The following RAB15 variants were observed in gnomAD, a reference collection of about 807,000 sequenced individuals.
RAB15 encodes the protein RAB15, member RAS oncogene family.
RAB15 carries 13 observed loss-of-function variants against 31.8 expected under a neutral mutation model. That is an observed-to-expected ratio of 0.41 (90% confidence interval 0.27 to 0.65). RAB15 has a LOEUF of 0.65. Ranked by LOEUF, RAB15 falls within the 30% of genes least tolerant of loss-of-function variation. The pLI is 0.32. For missense variants in RAB15, 220 were observed against 277.3 expected, an observed-to-expected ratio of 0.79 and a Z score of 1.47; for synonymous variants, 100 against 105.6, an observed-to-expected ratio of 0.95 and a Z score of 0.33.
chr14:64,951,469 C>G lies in RAB15; in HGVS notation c.246+134G>C, dbSNP rs1044752887. On this transcript the variant is annotated intron_variant, in intron 3 of 6. Transcript: ENST00000533601. The surrounding 1 kb of genome is among the most constrained non-coding windows in gnomAD (Gnocchi z 7.2). ...GGACGGACAAATGATCAGTGAACAG[C>G]TGAAAGACGCCCTGCGCTCCTCCAA... 2.2e-5 allele frequency: 19 copies of G among 854,858 alleles called. No homozygotes were observed. The highest frequency in any genetic ancestry group is 5.0e-5 in the African/African-American group (3 of 60,554). The allele number at this position is 854,858 out of a possible 1,614,324, so 53.0% of individuals were successfully genotyped here.
chr14:64,956,130 C>T (rs1262995728), intron 1 of RAB15, among the ~76,000 whole-genome samples: 2 of 152,104 alleles, frequency 1.3e-5, no homozygotes, highest in Non-Finnish European at 2.9e-5. Context: ...TGGCCGCACG[C>T]GGTGGCTCAC....
chr14:64,963,946 C>A (rs1886987200), intron 1 of RAB15, among the ~76,000 whole-genome samples: 1 of 152,198 alleles, frequency 6.6e-6, no homozygotes, highest in Non-Finnish European at 1.5e-5. Flanking sequence ...CTCTGTGATT[C>A]CAAAGCATCC....
chr14:64,971,873 C>T lies in RAB15; in HGVS notation c.124+80G>A, dbSNP rs1397032510. 7.3e-7 allele frequency: 1 copy of T among 1,375,492 alleles called. No individual in the cohort carries two copies. The highest frequency in any genetic ancestry group is 9.9e-7 in the Non-Finnish European group (1 of 1,008,376). The allele number at this position is 1,375,492 out of a possible 1,614,324, so 85.2% of individuals were successfully genotyped here. ...CTCCAGCCGGAGGGGCTGGCAATTC[C>T]TCCCCAGCTGGGGACGGGGGCGGCG... On this transcript the variant is annotated intron_variant, in intron 1 of 6. Transcript: ENST00000533601. The surrounding 1 kb of genome is among the most constrained non-coding windows in gnomAD (Gnocchi z 4.1).
intron 1 of RAB15, among the ~76,000 whole-genome samples, chr14:64,961,418 G>A (rs539279963): frequency 2.6e-5 from 4 of 152,332 alleles, no homozygotes; most frequent in Non-Finnish European, 5.9e-5. Context: ...ATGCAGAGAT[G>A]AGGGGTCAGT....
At position 64,971,878 on chromosome 14, in the gene RAB15, C is replaced by T. The variant is rs1375744962; in HGVS notation, c.124+75G>A. 4 of 1,426,598 alleles carry T rather than the reference C, an allele frequency of 2.8e-6. No homozygotes were observed. Among genetic ancestry groups the T allele is most frequent in the African/African-American group, 2.9e-5 (2 of 69,604 alleles). 88.4% of individuals were successfully genotyped at this position (1,426,598 alleles called of 1,614,324 possible). A position where few individuals can be genotyped will look rare whatever the true frequency, so the allele number is the denominator to read the frequency against. On this transcript the variant is annotated intron_variant, in intron 1 of 6. Transcript: ENST00000533601. The surrounding 1 kb of genome is among the most constrained non-coding windows in gnomAD (Gnocchi z 4.1). ...GCCGGAGGGGCTGGCAATTCCTCCC[C>T]AGCTGGGGACGGGGGCGGCGGGGAA...
rs1027120100 is a variant in RAB15 at position 64,950,283 on chromosome 14, A to T, written c.414+42T>A. On this transcript the variant is annotated intron_variant, in intron 5 of 6. Coordinates refer to ENST00000533601, the MANE Select transcript of RAB15 (RefSeq NM_001308154.2). The surrounding 1 kb of genome is among the most constrained non-coding windows in gnomAD (Gnocchi z 5.6). Reference sequence around the variant, plus strand: ...CGCTCAGGACTGGCCCTGGAGGCCCAGCAGAGGACCTGGGGTGGACTTGCC... The same window carrying T: ...CGCTCAGGACTGGCCCTGGAGGCCCTGCAGAGGACCTGGGGTGGACTTGCC... 1.9e-6 allele frequency: 3 copies of T among 1,539,622 alleles called. No homozygotes were observed. Among genetic ancestry groups the T allele is most frequent in the Non-Finnish European group, 2.7e-6 (3 of 1,113,072 alleles).
At position 64,951,296 on chromosome 14, in the gene RAB15, C is replaced by G. The variant is rs1353640947; in HGVS notation, c.247-145G>C. On this transcript the variant is annotated intron_variant, in intron 3 of 6. Coordinates refer to ENST00000533601, the MANE Select transcript of RAB15 (RefSeq NM_001308154.2). This position sits in a 1 kb window ranked among gnomAD's most constrained non-coding sequence, Gnocchi z 7.2. ...CCAGAAATATCTCTTCTCTCAGACC[C>G]CACCACTGCCGCCTCCCAGGCCCAT... The G allele has an allele frequency of 1.4e-6, 1 of 699,798 alleles. No homozygotes were observed. Among genetic ancestry groups the G allele is most frequent in the African/African-American group, 1.8e-5 (1 of 56,204 alleles). The allele number at this position is 699,798 out of a possible 1,614,324, so 43.3% of individuals were successfully genotyped here. A position where few individuals can be genotyped will look rare whatever the true frequency, so the allele number is the denominator to read the frequency against.
chr14:64,957,167 G>C (rs1218773937), intron 1 of RAB15, among the ~76,000 whole-genome samples: 8 of 151,712 alleles, frequency 5.3e-5, no homozygotes. Flanking sequence ...GAACTCCTGG[G>C]CTCCAGCGAT....
chr14:64,951,667 C>G lies in RAB15; in HGVS notation c.186-4G>C. ...TCTCTCCTGCCCTGCAGTGTCCCTG[C>G]AGGAGAAAGCCAGTCCCTCAGAGGA... On this transcript the variant is annotated splice_region_variant and splice_polypyrimidine_tract_variant and intron_variant, in intron 2 of 6. Transcript: ENST00000533601. The surrounding 1 kb of genome is among the most constrained non-coding windows in gnomAD (Gnocchi z 7.2). 6.2e-7 allele frequency: 1 copy of G among 1,613,908 alleles called. No individual in the cohort carries two copies. Among genetic ancestry groups the G allele is most frequent in the Non-Finnish European group, 8.5e-7 (1 of 1,179,764 alleles).
rs1236105816 is a variant in RAB15, at chr14:64,953,628, G to C, written c.125-1057C>G. ...AACATATTGGAGAAATCTGCAGCAA[G>C]AGAAGTCAGCACCACCAGCAGCAGC... On this transcript the variant is annotated intron_variant, in intron 1 of 6. Coordinates refer to ENST00000533601, the MANE Select transcript of RAB15 (RefSeq NM_001308154.2). This position sits in a 1 kb window ranked among gnomAD's most constrained non-coding sequence, Gnocchi z 4.6. Among the ~76,000 whole-genome samples, 1 of 152,198 alleles carries C rather than the reference G, an allele frequency of 6.6e-6. No homozygotes were observed. Among genetic ancestry groups the C allele is most frequent in the African/African-American group, 2.4e-5 (1 of 41,448 alleles).
rs1886417312 is a variant in RAB15 at position 64,954,216 on chromosome 14, C to T, written c.125-1645G>A. On this transcript the variant is annotated intron_variant, in intron 1 of 6. Coordinates refer to ENST00000533601, the MANE Select transcript of RAB15 (RefSeq NM_001308154.2). The surrounding 1 kb of genome is among the most constrained non-coding windows in gnomAD (Gnocchi z 4.3). ...GGGCAATGCCTGGCAGCCATTCTTC[C>T]ATGTGTGCAGAGAAAGAGTGAAGAG... The T allele has an allele frequency of 1.0e-6, 1 of 985,256 alleles. No individual in the cohort carries two copies. Among genetic ancestry groups the T allele is most frequent in the East Asian group, 1.1e-4 (1 of 8,820 alleles). 61.0% of individuals were successfully genotyped at this position (985,256 alleles called of 1,614,324 possible). A position where few individuals can be genotyped will look rare whatever the true frequency, so the allele number is the denominator to read the frequency against.
At chr14:64,964,907 T>A (rs1320278640) in intron 1 of RAB15, among the ~76,000 whole-genome samples, 1 of 152,040 alleles carries the variant, frequency 6.6e-6, no homozygotes, top group Middle Eastern at 3.4e-3. Context: ...CTGTTAGCCC[T>A]TTCTATAGTT....
At position 64,971,751 on chromosome 14, in the gene RAB15, C is replaced by A; in HGVS notation, c.124+202G>T. 3.4e-6 allele frequency: 2 copies of A among 584,912 alleles called. No homozygotes were observed. The highest frequency in any genetic ancestry group is 6.0e-6 in the Non-Finnish European group (2 of 330,746). 36.2% of individuals were successfully genotyped at this position (584,912 alleles called of 1,614,324 possible). A position where few individuals can be genotyped will look rare whatever the true frequency, so the allele number is the denominator to read the frequency against. On this transcript the variant is annotated intron_variant, in intron 1 of 6. Transcript: ENST00000533601. The surrounding 1 kb of genome is among the most constrained non-coding windows in gnomAD (Gnocchi z 4.1). Reference sequence around the variant, plus strand: ...CCCGGCAAGAGGCGGGAGACCCCACCCCTGGTCCGGACGGCAGGCAGCAGG... The same window carrying A: ...CCCGGCAAGAGGCGGGAGACCCCACACCTGGTCCGGACGGCAGGCAGCAGG...
chr14:64,972,060 TC>T lies in RAB15; in HGVS notation c.16del (p.Asp6MetfsTer8), dbSNP rs779779325. 6.2e-7 allele frequency: 1 copy of T among 1,608,866 alleles called. No homozygotes were observed. The highest frequency in any genetic ancestry group is 8.5e-7 in the Non-Finnish European group (1 of 1,178,256). On this transcript the variant is annotated frameshift_variant, in exon 1 of 7. Transcript: ENST00000533601. LOFTEE classifies it high-confidence loss of function. This position sits in a 1 kb window ranked among gnomAD's most constrained non-coding sequence, Gnocchi z 6.3. ...GATCAGCAGCAGCCGGAACAGCACA[TC>T]GTACTGCTTCGCCATGACTGGGGCC... MAKQYDVLFRLLLIGD... is the reference protein window; with the variant it reads MAKQYXVLFRLLLIGD...
At chr14:64,961,724 C>A (rs1412373934) in intron 1 of RAB15, among the ~76,000 whole-genome samples, 1 of 152,054 alleles carries the variant, frequency 6.6e-6, no homozygotes, top group Non-Finnish European at 1.5e-5. Flanking sequence ...GTCAGGGCAA[C>A]ATAGTGAGAC....
chr14:64,964,851 A>G (rs533058397), intron 1 of RAB15, among the ~76,000 whole-genome samples: 2 of 152,238 alleles, frequency 1.3e-5, no homozygotes, highest in African/African-American at 2.4e-5. Flanking sequence ...CTGGGATTAC[A>G]GGCGTGAGCC....
rs1555386038 is a variant in RAB15, at chr14:64,953,917, C to CCAG, written c.125-1349_125-1347dup. On this transcript the variant is annotated intron_variant, in intron 1 of 6. Coordinates refer to ENST00000533601, the MANE Select transcript of RAB15 (RefSeq NM_001308154.2). This position sits in a 1 kb window ranked among gnomAD's most constrained non-coding sequence, Gnocchi z 4.6. ...GCCCGGCCCAGAAGGCCTGAAGGCA[C>CCAG]CAGCATCCCCATCACCACTGCCACT... The CCAG allele has an allele frequency of 1.0e-6, 1 of 985,286 alleles. No homozygotes were observed. Among genetic ancestry groups the CCAG allele is most frequent in the Non-Finnish European group, 1.2e-6 (1 of 829,936 alleles). 61.0% of individuals were successfully genotyped at this position (985,286 alleles called of 1,614,324 possible).
chr14:64,956,840 C>T (rs1006788514), intron 1 of RAB15, among the ~76,000 whole-genome samples: 17 of 152,118 alleles, frequency 1.1e-4, no homozygotes, highest in African/African-American at 4.1e-4. Flanking sequence ...ATGGAAGAAA[C>T]ATCCATTGGC....
chr14:64,947,531 C>T lies in RAB15; in HGVS notation c.*823G>A, dbSNP rs1885983027. 1 of 152,732 alleles carries T rather than the reference C, an allele frequency of 6.5e-6. No homozygotes were observed. The highest frequency in any genetic ancestry group is 1.5e-5 in the Non-Finnish European group (1 of 68,124). 9.5% of individuals were successfully genotyped at this position (152,732 alleles called of 1,614,324 possible). A position where few individuals can be genotyped will look rare whatever the true frequency, so the allele number is the denominator to read the frequency against. ...ATCCCTGCCACCCCTCATTTTGTTTCCTTCTCTGAAGCACCTGCCTCTGAG... is the reference window on the plus strand; with the variant it reads ...ATCCCTGCCACCCCTCATTTTGTTTTCTTCTCTGAAGCACCTGCCTCTGAG... On this transcript the variant is annotated 3_prime_UTR_variant, in exon 7 of 7. Transcript: ENST00000533601. This position sits in a 1 kb window ranked among gnomAD's most constrained non-coding sequence, Gnocchi z 5.6.
Sources: allele counts gnomAD v4.1 joint callset (sites outside exome capture counted in the v4.1 genomes callset), GRCh38; gene constraint gnomAD v4.1.1; non-coding constraint Gnocchi (gnomAD v3.1); transcripts MANE v1.5; gene names NCBI Gene and HGNC (gene_info 2026-07-23, HGNC 2026-07-21).